ZRANB3: variants seen among roughly 807,000 people sequenced by gnomAD.
The protein encoded by ZRANB3 is zinc finger RANBP2-type containing 3, also known as DNA annealing helicase and endonuclease ZRANB3.
In ZRANB3, 125 loss-of-function variants were observed where a neutral mutation model predicts 133.8. The observed-to-expected ratio is 0.93, with a 90% CI of 0.81 to 1.08. ZRANB3 has a LOEUF of 1.08. Among genes scored for constraint, ZRANB3 ranks in the 50% least tolerant of loss-of-function variants. The pLI, the probability that ZRANB3 is intolerant of heterozygous loss-of-function variation, is 0.00. For synonymous variants in ZRANB3, 387 were observed against 432.7 expected, an observed-to-expected ratio of 0.89 and a Z score of 1.31; for missense variants, 1,229 against 1,275.5, an observed-to-expected ratio of 0.96 and a Z score of 0.56.
intron 1 of ZRANB3, among the ~76,000 whole-genome samples, chr2:135,522,342 C>T (rs913952618): frequency 6.6e-6 from 1 of 152,168 alleles, no homozygotes; most frequent in Non-Finnish European, 1.5e-5. Flanking sequence ...CTTGAGGCTA[C>T]GAGCAAGCCT....
intron 10 of ZRANB3, 125 bp from the exon 11 acceptor site, chr2:135,269,266 C>A: frequency 9.8e-6 from 7 of 713,722 alleles, no homozygotes; most frequent in South Asian, 8.2e-5. Flanking sequence ...CTATTTTAGG[C>A]CAAATTAAGA....
chr2:135,271,250 T>C, intron 10 of ZRANB3: 1 of 468,332 alleles, frequency 2.1e-6, no homozygotes, highest in Admixed American at 2.4e-5. Flanking sequence ...CATAAGAGAA[T>C]TAAACTTTGT....
chr2:135,382,108 G>A (rs577007047), intron 3 of ZRANB3, among the ~76,000 whole-genome samples: 8 of 152,102 alleles, frequency 5.3e-5, no homozygotes, highest in African/African-American at 9.7e-5. Flanking sequence ...AAGATTAGAC[G>A]AAGGGCTAAC....
intron 2 of ZRANB3, among the ~76,000 whole-genome samples, chr2:135,484,993 G>A (rs936129758): frequency 7.2e-5 from 11 of 151,876 alleles, no homozygotes; most frequent in Admixed American, 5.9e-4. Context: ...CCAAGAATGC[G>A]CCACTGCACT....
At chr2:135,425,067 G>GA (rs561706811) in intron 2 of ZRANB3, among the ~76,000 whole-genome samples, 4 of 151,448 alleles carry the variant, frequency 2.6e-5, no homozygotes, top group African/African-American at 7.3e-5. Flanking sequence ...CAAATTCTGA[G>GA]AAAAAAAAAT....
At chr2:135,370,490 G>A (rs1181818157) in intron 3 of ZRANB3, among the ~76,000 whole-genome samples, 1 of 152,066 alleles carries the variant, frequency 6.6e-6, no homozygotes, top group Non-Finnish European at 1.5e-5. Flanking sequence ...CATCCAGGTT[G>A]CTGCGAATGA....
chr2:135,379,925 G>A (rs1380346435), intron 3 of ZRANB3, among the ~76,000 whole-genome samples: 2 of 152,046 alleles, frequency 1.3e-5, no homozygotes, highest in Non-Finnish European at 2.9e-5. Flanking sequence ...CATCTGATGT[G>A]CAAAGACACA....
intron 2 of ZRANB3, among the ~76,000 whole-genome samples, chr2:135,496,669 A>T (rs550784779): frequency 6.6e-6 from 1 of 152,312 alleles, no homozygotes; most frequent in South Asian, 2.1e-4. Context: ...TCTAGGAGTT[A>T]AAAATATACT....
chr2:135,484,925 A>T (rs544359237), intron 2 of ZRANB3, among the ~76,000 whole-genome samples: 2 of 151,842 alleles, frequency 1.3e-5, no homozygotes, highest in South Asian at 4.2e-4. Context: ...AGTCCCAGCT[A>T]CTCGGGAGGT....
chr2:135,405,847 A>T (rs1290105271), intron 2 of ZRANB3, among the ~76,000 whole-genome samples: 1 of 152,230 alleles, frequency 6.6e-6, no homozygotes, highest in Non-Finnish European at 1.5e-5. Context: ...TTATAGTACT[A>T]AATGCCCACA....
At chr2:135,217,093 A>G (rs921942833) in intron 17 of ZRANB3, among the ~76,000 whole-genome samples, 7 of 152,228 alleles carry the variant, frequency 4.6e-5, no homozygotes, top group Admixed American at 1.3e-4. Context: ...ACTCACGCAC[A>G]GCAGGGCAAA....
At chr2:135,391,878 C>T (rs556374791) in intron 2 of ZRANB3, among the ~76,000 whole-genome samples, 19 of 152,262 alleles carry the variant, frequency 1.2e-4, no homozygotes, top group African/African-American at 1.7e-4. Context: ...CGCGCCTGGC[C>T]GCTGAGTTTT....
chr2:135,383,425 T>G (rs996688229), intron 3 of ZRANB3, among the ~76,000 whole-genome samples: 1 of 152,138 alleles, frequency 6.6e-6, no homozygotes, highest in Non-Finnish European at 1.5e-5. Flanking sequence ...CTGTCAACAT[T>G]AGACAGATCA....
intron 2 of ZRANB3, among the ~76,000 whole-genome samples, chr2:135,465,975 C>T (rs527874029): frequency 1.4e-3 from 217 of 152,292 alleles, no homozygotes; most frequent in Middle Eastern, 6.8e-3. Context: ...TTTCACCTAA[C>T]AGACATTTTG....
chr2:135,440,539 A>C (rs1689735589), intron 2 of ZRANB3, among the ~76,000 whole-genome samples: 1 of 152,228 alleles, frequency 6.6e-6, no homozygotes, highest in African/African-American at 2.4e-5. Flanking sequence ...CCTATATGGT[A>C]AGAAATGTGG....
intron 8 of ZRANB3, among the ~76,000 whole-genome samples, chr2:135,288,879 T>C (rs1176569266): frequency 6.7e-6 from 1 of 150,128 alleles, no homozygotes; most frequent in African/African-American, 2.5e-5. Flanking sequence ...TTATCGTGTG[T>C]GTGTGTGTGT....
At chr2:135,284,428 C>G (rs1371805640) in intron 8 of ZRANB3, among the ~76,000 whole-genome samples, 2 of 152,222 alleles carry the variant, frequency 1.3e-5, no homozygotes, top group African/African-American at 4.8e-5. Context: ...CCAAAGAAAA[C>G]AGAATCACAT....
At chr2:135,473,807 C>G (rs1691383593) in intron 2 of ZRANB3, among the ~76,000 whole-genome samples, 2 of 152,162 alleles carry the variant, frequency 1.3e-5, no homozygotes, top group Admixed American at 1.3e-4. Flanking sequence ...GTCACTTTCT[C>G]AGCTGCAAAG....
intron 1 of ZRANB3, chr2:135,530,472 TC>T (rs1210660028): frequency 6.6e-6 from 1 of 152,084 alleles, no homozygotes; most frequent in East Asian, 1.9e-4. Flanking sequence ...ACTTTTTATC[TC>T]CCATGCAAGA....
Sources: allele counts gnomAD v4.1 joint callset (sites outside exome capture counted in the v4.1 genomes callset), GRCh38; gene constraint gnomAD v4.1.1; transcripts MANE v1.5; gene names NCBI Gene and HGNC (gene_info 2026-07-23, HGNC 2026-07-21).